The following LIN9 variants were observed in gnomAD, a reference collection of about 807,000 sequenced individuals.
LIN9 encodes lin-9 DREAM MuvB core complex component.
A neutral mutation model predicts 78.0 loss-of-function variants in LIN9; 18 were observed. The observed-to-expected ratio is 0.23, with a 90% CI of 0.16 to 0.34. The LOEUF (loss-of-function observed/expected upper bound fraction) is 0.34. LIN9 is among the 10% of genes least tolerant of loss of function. The pLI is 1.00. For missense variants in LIN9, 451 were observed against 644.1 expected (o/e 0.70, Z 3.25); for synonymous variants, 192 against 215.2 (o/e 0.89, Z 0.94).
intron 4 of LIN9, among the ~76,000 whole-genome samples, chr1:226,291,461 A>T (rs533037210): frequency 2.6e-5 from 4 of 152,194 alleles, no homozygotes; most frequent in East Asian, 3.9e-4. Flanking sequence ...AAAAAGAAAA[A>T]ATATATATAC....
chr1:226,285,839 C>CT (rs1661353737), intron 6 of LIN9, among the ~76,000 whole-genome samples: 2 of 152,062 alleles, frequency 1.3e-5, no homozygotes, highest in African/African-American at 4.8e-5. Context: ...TCCTTAAATA[C>CT]TTTTTAGGAC....
At chr1:226,272,875 C>T (rs951252460) in intron 7 of LIN9, among the ~76,000 whole-genome samples, 2 of 152,130 alleles carry the variant, frequency 1.3e-5, no homozygotes, top group Non-Finnish European at 2.9e-5. Flanking sequence ...TTGGGGCCTT[C>T]ACAGCCTCCA....
At chr1:226,259,980 G>A (rs1659465259) in intron 10 of LIN9, among the ~76,000 whole-genome samples, 1 of 152,016 alleles carries the variant, frequency 6.6e-6, no homozygotes, top group Admixed American at 6.6e-5. Flanking sequence ...AAAGCTGGTT[G>A]TTTAAAAAGA....
At chr1:226,309,372 C>G, upstream of LIN9, 8 of 988,676 alleles carry the variant, frequency 8.1e-6, no homozygotes, top group Non-Finnish European at 9.6e-6. Flanking sequence ...TCCGGCCGAG[C>G]CGGGCGGGAG....
At chr1:226,282,819 TCAAAAAACAAAAAA>T (rs1032037949) in intron 6 of LIN9, among the ~76,000 whole-genome samples, 2 of 152,060 alleles carry the variant, frequency 1.3e-5, no homozygotes, top group Non-Finnish European at 2.9e-5. Context: ...AGACTCTGTC[TCAAAAAACAAAAAA>T]CAAAAAACAA....
At chr1:226,264,259 A>C (rs902020178) in intron 10 of LIN9, among the ~76,000 whole-genome samples, 1 of 151,970 alleles carries the variant, frequency 6.6e-6, no homozygotes, top group Non-Finnish European at 1.5e-5. Context: ...GTGCGCCTGT[A>C]ATCCCAGCAA....
intron 6 of LIN9, among the ~76,000 whole-genome samples, chr1:226,279,262 T>A (rs1660885005): frequency 6.6e-6 from 1 of 151,414 alleles, no homozygotes; most frequent in Non-Finnish European, 1.5e-5. Flanking sequence ...AGCCCAGGAG[T>A]CTGAGACCAG....
At chr1:226,253,746 T>C (rs1435793644) in intron 10 of LIN9, among the ~76,000 whole-genome samples, 2 of 151,654 alleles carry the variant, frequency 1.3e-5, no homozygotes, top group Non-Finnish European at 2.9e-5. Flanking sequence ...TAAAACCCCA[T>C]CTCTACTAAA....
chr1:226,256,853 G>T (rs1659232185), intron 10 of LIN9, among the ~76,000 whole-genome samples: 1 of 151,768 alleles, frequency 6.6e-6, no homozygotes, highest in Non-Finnish European at 1.5e-5. Context: ...CACCGCACCC[G>T]GCCAATAAAA....
chr1:226,274,913 T>C (rs919831161), intron 7 of LIN9, among the ~76,000 whole-genome samples: 4 of 152,210 alleles, frequency 2.6e-5, no homozygotes, highest in Non-Finnish European at 5.9e-5. Context: ...GAACATGTCT[T>C]ATGATAGCTA....
chr1:226,297,905 T>C (rs1576357300), intron 2 of LIN9, 92 bp from the exon 3 acceptor site: 1 of 490,680 alleles, frequency 2.0e-6, no homozygotes, highest in Middle Eastern at 5.2e-4. Flanking sequence ...GCCATATATC[T>C]AAAATATTTA....
Position 226,265,690 on chromosome 1 carries a change from T to C in LIN9, c.937-56A>G. Reference sequence around the variant, plus strand: ...TTGACTATTCAGAGGAAGTATCTTATTTTTTTATTTTTATTTTTTTTTAGA... The same window carrying C: ...TTGACTATTCAGAGGAAGTATCTTACTTTTTTATTTTTATTTTTTTTTAGA... On this transcript the variant is annotated intron_variant, in intron 9 of 14. Coordinates refer to ENST00000681046, the MANE Select transcript of LIN9 (RefSeq NM_001366245.2). The surrounding 1 kb of genome is among the most constrained non-coding windows in gnomAD (Gnocchi z 4.1). 2.1e-6 allele frequency: 2 copies of C among 967,256 alleles called. No individual in the cohort carries two copies. The highest frequency in any genetic ancestry group is 1.7e-5 in the African/African-American group (1 of 59,304). 59.9% of individuals were successfully genotyped at this position (967,256 alleles called of 1,614,324 possible). A position where few individuals can be genotyped will look rare whatever the true frequency, so the allele number is the denominator to read the frequency against.
At chr1:226,247,698 G>C (rs368589207) in intron 11 of LIN9, among the ~76,000 whole-genome samples, 13 of 143,948 alleles carry the variant, frequency 9.0e-5, no homozygotes, top group African/African-American at 3.4e-4. Context: ...TTGAGACAGA[G>C]TCTCGCTCTG....
intron 10 of LIN9, among the ~76,000 whole-genome samples, chr1:226,262,471 A>C (rs1036510400): frequency 1.3e-5 from 2 of 152,240 alleles, no homozygotes; most frequent in African/African-American, 2.4e-5. Context: ...TGAGCCAAAG[A>C]CCTTAACAGA....
At chr1:226,268,198 T>TA (rs2102916661) in intron 7 of LIN9, 108 bp from the exon 8 acceptor site, 1 of 1,030,934 alleles carries the variant, frequency 9.7e-7, no homozygotes, top group Non-Finnish European at 1.3e-6. Context: ...TTTTGTCTAT[T>TA]AGAGTTTCAA....
intron 5 of LIN9, among the ~76,000 whole-genome samples, chr1:226,287,444 C>T (rs978674456): frequency 6.6e-6 from 1 of 152,128 alleles, no homozygotes; most frequent in African/African-American, 2.4e-5. Flanking sequence ...ATACCGTAAT[C>T]AATTCTTCAC....
intron 4 of LIN9, among the ~76,000 whole-genome samples, chr1:226,289,892 C>A: frequency 7.7e-6 from 1 of 130,712 alleles, no homozygotes; most frequent in South Asian, 2.6e-4. Context: ...TCATCCCTTA[C>A]TGCAAAATAA....
chr1:226,298,989 A>G (rs535946368), intron 2 of LIN9, among the ~76,000 whole-genome samples: 1 of 152,332 alleles, frequency 6.6e-6, no homozygotes, highest in East Asian at 1.9e-4. Flanking sequence ...AAAGAATTCT[A>G]TCGAATAGAC....
upstream of LIN9, chr1:226,309,289 C>T (rs894265846): frequency 3.1e-5 from 33 of 1,073,534 alleles, no homozygotes; most frequent in East Asian, 6.4e-5. Flanking sequence ...GAGGCGGGCC[C>T]GGCTCCGCCC....
Sources: allele counts gnomAD v4.1 joint callset (sites outside exome capture counted in the v4.1 genomes callset), GRCh38; gene constraint gnomAD v4.1.1; non-coding constraint Gnocchi (gnomAD v3.1); transcripts MANE v1.5; gene names NCBI Gene and HGNC (gene_info 2026-07-23, HGNC 2026-07-21).